BOC: variants seen among roughly 807,000 people sequenced by gnomAD.
The protein encoded by BOC is brother of CDO.
A neutral mutation model predicts 112.0 loss-of-function variants in BOC; 76 were observed. The observed-to-expected ratio is 0.68, with a 90% CI of 0.56 to 0.82. BOC has a LOEUF of 0.82. Ranked by LOEUF, BOC falls within the 40% of genes least tolerant of loss-of-function variation. The pLI is 0.00. For missense variants in BOC, 1,309 were observed against 1,511.7 expected (o/e 0.87, Z 2.22); for synonymous variants, 580 against 599.8 (o/e 0.97, Z 0.48).
intron 5 of BOC, 160 bp from the exon 6 acceptor site, chr3:113,270,641 C>G (rs1430057219): frequency 1.3e-6 from 1 of 768,422 alleles, no homozygotes; most frequent in Non-Finnish European, 2.0e-6. Flanking sequence ...ATGGGGAGAA[C>G]GGCATCTTAG....
rs1163665400 is a variant in BOC, at chr3:113,274,574, C to T, written c.1434C>T (p.Leu478=). The change falls in exon 9 of 20, where the codon CTC becomes CTT. Residue 478 remains leucine (L), a synonymous_variant. Coordinates refer to ENST00000682979, the MANE Select transcript of BOC (RefSeq NM_001378074.1). The surrounding 1 kb of genome is among the most constrained non-coding windows in gnomAD (Gnocchi z 4.8). The part of the protein sequence containing the change: ...QGAPAEAPII[L]SSPRTSKTDS... ...CTCCCGCCGAGGCTCCCATCATCCT[C>T]AGCTCGCCCCGCACCTCCAAGACAG... The T allele has an allele frequency of 7.4e-6, 12 of 1,613,558 alleles. No individual in the cohort carries two copies. The highest frequency in any genetic ancestry group is 1.0e-5 in the Non-Finnish European group (12 of 1,180,004).
At chr3:113,219,554 C>T (rs2107604098) in intron 2 of BOC, among the ~76,000 whole-genome samples, 1 of 152,310 alleles carries the variant, frequency 6.6e-6, no homozygotes, top group South Asian at 2.1e-4. Flanking sequence ...CTGCCGAGTC[C>T]AAAACTCAAG....
chr3:113,221,336 A>G (rs1461368056), intron 2 of BOC, among the ~76,000 whole-genome samples: 1 of 152,216 alleles, frequency 6.6e-6, no homozygotes, highest in African/African-American at 2.4e-5. Flanking sequence ...TCACTGGCTC[A>G]GGGTTTACGG....
Position 113,284,794 on chromosome 3 carries a change from A to G in BOC, c.2902A>G (p.Ser968Gly), listed in dbSNP as rs1356784382. ...TCCTTTTGAGCAGCAGAGTGACACC[A>G]GCAGCCTGCTGAGGCAGACCCATCT... is the stretch of plus-strand genomic sequence containing the variant. The part of the protein sequence containing the change: ...PGELQQQSDT[S>G]SLLRQTHLGN... The change falls in exon 18 of 20, where the codon AGC becomes GGC. Residue 968 changes from serine to glycine, a missense_variant. By Grantham distance (56) the Ser-to-Gly change is moderately conservative. Coordinates refer to ENST00000682979, the MANE Select transcript of BOC (RefSeq NM_001378074.1). The G allele has an allele frequency of 6.2e-7, 1 of 1,614,212 alleles. No homozygotes were observed. The highest frequency in any genetic ancestry group is 8.5e-7 in the Non-Finnish European group (1 of 1,180,004).
chr3:113,272,935 C>T, intron 7 of BOC, 134 bp from the exon 8 acceptor site: 1 of 1,211,554 alleles, frequency 8.3e-7, no homozygotes, highest in Admixed American at 2.3e-5. Flanking sequence ...CCTCTCCTTC[C>T]CTCTACTCTG....
chr3:113,277,156 A>C (rs1188514604), intron 9 of BOC, among the ~76,000 whole-genome samples: 1 of 152,346 alleles, frequency 6.6e-6, no homozygotes, highest in East Asian at 1.9e-4. Flanking sequence ...GGAAACAAAG[A>C]GGATTGAAAT....
At chr3:113,229,732 A>G (rs1942296887) in intron 2 of BOC, among the ~76,000 whole-genome samples, 1 of 152,266 alleles carries the variant, frequency 6.6e-6, no homozygotes. Context: ...TATGTATTTT[A>G]GCTTTAAAAA....
At chr3:113,216,394 T>C (rs571894612) in intron 2 of BOC, 120 bp downstream of exon 2, 148 of 411,228 alleles carry the variant, frequency 3.6e-4, no homozygotes, top group South Asian at 2.5e-3. Context: ...GAGTCCAACT[T>C]TGAGTGGAAT....
At chr3:113,276,981 C>T (rs575230131) in intron 9 of BOC, among the ~76,000 whole-genome samples, 14 of 152,242 alleles carry the variant, frequency 9.2e-5, no homozygotes, top group Middle Eastern at 3.4e-3. Context: ...CGAAAGGTGG[C>T]GCGGCAAAGA....
chr3:113,271,126 C>T (rs1244125252), intron 6 of BOC, 182 bp downstream of exon 6: 2 of 835,492 alleles, frequency 2.4e-6, no homozygotes, highest in Non-Finnish European at 3.9e-6. Context: ...TGGCCGGCCT[C>T]AGGGCCAGCA....
chr3:113,230,768 G>T (rs1016906742), intron 2 of BOC, among the ~76,000 whole-genome samples: 1 of 152,040 alleles, frequency 6.6e-6, no homozygotes, highest in Admixed American at 6.5e-5. Context: ...TTTTTAACTT[G>T]TATTTACAAA....
intron 15 of BOC, among the ~76,000 whole-genome samples, chr3:113,281,468 G>A (rs1374004025): frequency 6.6e-6 from 1 of 152,196 alleles, no homozygotes; most frequent in South Asian, 2.1e-4. Context: ...ACATGGGTTG[G>A]TTTATTTAAC....
Position 113,283,551 on chromosome 3 carries a change from G to T in BOC, c.2575G>T (p.Val859Phe), listed in dbSNP as rs748144481. The T allele has an allele frequency of 9.3e-6, 15 of 1,613,908 alleles. No individual in the cohort carries two copies. Among genetic ancestry groups the T allele is most frequent in the East Asian group, 8.9e-5 (4 of 44,844 alleles). ...CTCCAGCGACCTGCCCTATCTGATT[G>T]TCGGGGTCGTCCTGGGCTCCATCGT... is the stretch of plus-strand genomic sequence containing the variant. ...ARSSDLPYLI[V>F]GVVLGSIVLI... The change falls in exon 16 of 20, where the codon GTC becomes TTC. Residue 859 changes from valine (V) to phenylalanine (F), a missense_variant. Coordinates refer to ENST00000682979, the MANE Select transcript of BOC (RefSeq NM_001378074.1).
chr3:113,236,288 A>ATATATATATATATATATATACCCATGGG (rs1553726868), intron 2 of BOC, among the ~76,000 whole-genome samples: 34 of 21,604 alleles, frequency 1.6e-3, no homozygotes, highest in South Asian at 5.1e-3. Context: ...ATGGGTATAT[A>ATATATATATATATATATATACCCATGGG]TATATATATA....
intron 5 of BOC, 25 bp from the exon 6 acceptor site, chr3:113,270,776 T>C: frequency 6.3e-7 from 1 of 1,589,068 alleles, no homozygotes; most frequent in Non-Finnish European, 8.6e-7. Context: ...CATCCCATCT[T>C]CCCCTGGCCC....
intron 4 of BOC, among the ~76,000 whole-genome samples, chr3:113,252,562 A>G (rs1945762530): frequency 6.6e-6 from 1 of 152,140 alleles, no homozygotes; most frequent in South Asian, 2.1e-4. Context: ...GAAAGCCCCT[A>G]CGTGCCCTCC....
At chr3:113,267,468 G>T (rs969601390) in intron 4 of BOC, among the ~76,000 whole-genome samples, 1 of 152,156 alleles carries the variant, frequency 6.6e-6, no homozygotes, top group Non-Finnish European at 1.5e-5. Flanking sequence ...TCTCATGTTA[G>T]GACCCTGGCT....
chr3:113,267,972 C>G (rs549722722), intron 4 of BOC, among the ~76,000 whole-genome samples: 1 of 152,322 alleles, frequency 6.6e-6, no homozygotes, highest in African/African-American at 2.4e-5. Context: ...TTGACCCCCC[C>G]CCATTTCTGG....
intron 2 of BOC, among the ~76,000 whole-genome samples, chr3:113,245,917 G>T (rs1045276604): frequency 6.6e-6 from 1 of 152,196 alleles, no homozygotes; most frequent in Admixed American, 6.5e-5. Context: ...GGGATGAGCC[G>T]ACGGCTTTTT....
Sources: gnomAD v4.1 joint callset for allele counts (sites outside exome capture counted in the v4.1 genomes callset) on GRCh38, gnomAD v4.1.1 for gene constraint, Gnocchi (gnomAD v3.1) non-coding constraint, MANE v1.5 for transcripts, NCBI Gene and HGNC (gene_info 2026-07-23, HGNC 2026-07-21) for gene names.